Variants in CPNE8 observed in about 807,000 individuals in gnomAD.
The protein encoded by CPNE8 is copine-8.
A neutral mutation model predicts 81.5 loss-of-function variants in CPNE8; 45 were observed. That is an observed-to-expected ratio of 0.55 (90% CI 0.44 to 0.71). The LOEUF (loss-of-function observed/expected upper bound fraction) is 0.71. CPNE8 is among the 30% of genes least tolerant of loss of function. CPNE8 has a pLI of 0.00. For missense variants in CPNE8, 594 were observed against 672.1 expected (o/e 0.88, Z 1.28); for synonymous variants, 252 against 226.3 (o/e 1.11, Z -1.02).
chr12:38,870,116 TC>T (rs1213079831), intron 3 of CPNE8, among the ~76,000 whole-genome samples: 3 of 152,206 alleles, frequency 2.0e-5, no homozygotes, highest in Non-Finnish European at 2.9e-5. Flanking sequence ...GGCCTGGTGA[TC>T]ATTAAAAAGT....
chr12:38,830,336 T>C (rs1158451217), intron 5 of CPNE8, among the ~76,000 whole-genome samples: 2 of 152,166 alleles, frequency 1.3e-5, no homozygotes, highest in Non-Finnish European at 2.9e-5. Context: ...ACTAAAACTC[T>C]AGAAGGTTGA....
Position 38,862,573 on chromosome 12 carries a change from T to C in CPNE8, c.186+10431A>G, listed in dbSNP as rs771810082. Among the ~76,000 whole-genome samples the C allele has an allele frequency of 5.3e-4, 80 of 152,188 alleles. 1 individual carries two copies. The highest frequency in any genetic ancestry group is 1.0e-3 in the Non-Finnish European group (69 of 68,026). The stretch of plus-strand genomic sequence containing the variant: ...AACAAACTTGGATATAATTAAAGCC[T>C]CTCAAAGGAGAATTTTTAGCCTAAA... On this transcript the variant is annotated intron_variant, in intron 3 of 19. Coordinates refer to ENST00000331366, the MANE Select transcript of CPNE8 (RefSeq NM_153634.3).
At position 38,747,322 on chromosome 12, in the gene CPNE8, A is replaced by G. The variant is rs564926104; in HGVS notation, c.722+13525T>C. On this transcript the variant is annotated intron_variant, in intron 10 of 19. Coordinates refer to ENST00000331366, the MANE Select transcript of CPNE8 (RefSeq NM_153634.3). ...ACTTACTCATCTGTGTCTCAATCCC[A>G]CAAGTAAAGGAGTATGAATTGGATT... is the stretch of plus-strand genomic sequence containing the variant. 2.8e-4 allele frequency among the ~76,000 whole-genome samples: 43 copies of G among 152,244 alleles called. No homozygotes were observed. The East Asian group carries it at 7.9e-3, about 28-fold the overall frequency.
intron 13 of CPNE8, among the ~76,000 whole-genome samples, chr12:38,710,663 G>A (rs1321116091): frequency 6.6e-6 from 1 of 152,142 alleles, no homozygotes; most frequent in East Asian, 1.9e-4. Flanking sequence ...GGTCAGAAGA[G>A]AGTTCTTTCT....
intron 1 of CPNE8, among the ~76,000 whole-genome samples, chr12:38,884,363 T>C (rs1944208595): frequency 6.6e-6 from 1 of 152,246 alleles, no homozygotes; most frequent in Non-Finnish European, 1.5e-5. Flanking sequence ...CATGTTGTAG[T>C]ATCTGTCAGT....
chr12:38,865,733 G>C (rs1943903870), intron 3 of CPNE8, among the ~76,000 whole-genome samples: 1 of 152,044 alleles, frequency 6.6e-6, no homozygotes, highest in Admixed American at 6.5e-5. Flanking sequence ...CCCTTCATTT[G>C]GATGTGTTTT....
intron 19 of CPNE8, among the ~76,000 whole-genome samples, chr12:38,654,829 A>C (rs1429419282): frequency 1.3e-5 from 2 of 152,180 alleles, no homozygotes; most frequent in Non-Finnish European, 2.9e-5. Flanking sequence ...ATAAGAAATG[A>C]GTATTACCCA....
chr12:38,687,164 T>C (rs1230911744), intron 15 of CPNE8, among the ~76,000 whole-genome samples: 2 of 152,120 alleles, frequency 1.3e-5, no homozygotes, highest in Non-Finnish European at 2.9e-5. Flanking sequence ...TATACTAAAA[T>C]ATTTACATAT....
At chr12:38,862,565 T>G (rs1050111078) in intron 3 of CPNE8, among the ~76,000 whole-genome samples, 2 of 152,180 alleles carry the variant, frequency 1.3e-5, no homozygotes, top group East Asian at 3.9e-4. Context: ...TTGGATATAA[T>G]TAAAGCCTCT....
intron 2 of CPNE8, among the ~76,000 whole-genome samples, chr12:38,873,481 C>T (rs900686386): frequency 6.6e-6 from 1 of 152,114 alleles, no homozygotes; most frequent in Non-Finnish European, 1.5e-5. Flanking sequence ...TTATAACTTC[C>T]ACCCTTAATA....
intron 6 of CPNE8, among the ~76,000 whole-genome samples, chr12:38,828,383 T>G (rs76374391): frequency 0.013 from 2,010 of 152,278 alleles, 49 homozygotes; most frequent in African/African-American, 0.044. Context: ...TATGAAAGTT[T>G]TCAAACTGAC....
At chr12:38,785,288 A>G (rs992450245) in intron 6 of CPNE8, among the ~76,000 whole-genome samples, 3 of 152,104 alleles carry the variant, frequency 2.0e-5, no homozygotes, top group Admixed American at 1.3e-4. Flanking sequence ...ACAGAATATT[A>G]TAACACTATA....
chr12:38,770,633 T>A (rs1941781708), intron 7 of CPNE8, among the ~76,000 whole-genome samples: 1 of 152,168 alleles, frequency 6.6e-6, no homozygotes, highest in African/African-American at 2.4e-5. Flanking sequence ...ATCTAATGGG[T>A]TCTGACCAGC....
chr12:38,761,307 T>C (rs1162014874), intron 9 of CPNE8, among the ~76,000 whole-genome samples: 1 of 152,144 alleles, frequency 6.6e-6, no homozygotes, highest in Non-Finnish European at 1.5e-5. Flanking sequence ...CAGGTCTGGA[T>C]TGGGGCCACA....
chr12:38,690,328 A>G (rs1939645569), intron 15 of CPNE8, among the ~76,000 whole-genome samples: 1 of 152,226 alleles, frequency 6.6e-6, no homozygotes, highest in African/African-American at 2.4e-5. Context: ...TTCAGCAAGA[A>G]TGAAATCAAA....
chr12:38,849,487 C>A (rs1195112825), intron 3 of CPNE8, among the ~76,000 whole-genome samples: 3 of 152,194 alleles, frequency 2.0e-5, no homozygotes, highest in African/African-American at 7.2e-5. Flanking sequence ...ATGAAGCATG[C>A]TGTCTTATCA....
intron 3 of CPNE8, among the ~76,000 whole-genome samples, chr12:38,857,511 G>A (rs1450041437): frequency 6.6e-6 from 1 of 151,694 alleles, no homozygotes; most frequent in Non-Finnish European, 1.5e-5. Flanking sequence ...TTGTGATAAT[G>A]TACTAGAGTT....
intron 10 of CPNE8, among the ~76,000 whole-genome samples, chr12:38,752,401 T>G (rs1941368719): frequency 6.6e-6 from 1 of 152,216 alleles, no homozygotes; most frequent in Non-Finnish European, 1.5e-5. Context: ...GCTCACCATT[T>G]TCTGTGTGCC....
At chr12:38,889,175 C>CTCCA (rs149422737) in intron 1 of CPNE8, among the ~76,000 whole-genome samples, 7,581 of 152,170 alleles carry the variant, frequency 0.05, 604 homozygotes, top group African/African-American at 0.17. Context: ...ACACATTGGG[C>CTCCA]TCCAGGCCCT....
Sources: allele counts gnomAD v4.1 joint callset (sites outside exome capture counted in the v4.1 genomes callset), GRCh38; gene constraint gnomAD v4.1.1; transcripts MANE v1.5; gene names NCBI Gene and HGNC (gene_info 2026-07-23, HGNC 2026-07-21).